SERINC5: variants seen among roughly 807,000 people sequenced by gnomAD.
The protein encoded by SERINC5 is serine incorporator 5.
Under a neutral mutation model 63.1 loss-of-function variants are expected in SERINC5, and 41 were observed. The ratio of observed to expected loss-of-function variants is 0.65; its 90% CI spans 0.51 to 0.84. The LOEUF (loss-of-function observed/expected upper bound fraction) is 0.84, where lower values mean the gene tolerates loss of function less well. SERINC5 is among the 40% of genes least tolerant of loss of function. The probability of loss-of-function intolerance (pLI) is 0.00; values close to 1 mark genes in which losing one functional copy is unlikely to be tolerated. For missense variants in SERINC5, 523 were observed against 573.0 expected, an observed-to-expected ratio of 0.91 and a Z score of 0.89; for synonymous variants, 222 against 215.2, an observed-to-expected ratio of 1.03 and a Z score of -0.28.
intron 1 of SERINC5, among the ~76,000 whole-genome samples, chr5:80,241,772 T>C (rs912861188): frequency 1.3e-5 from 2 of 152,112 alleles, no homozygotes; most frequent in African/African-American, 2.4e-5. Context: ...TTTATAGCCT[T>C]AAACTCAAAC....
At chr5:80,137,493 G>A (rs562544361), downstream of SERINC5, among the ~76,000 whole-genome samples, 7 of 151,992 alleles carry the variant, frequency 4.6e-5, no homozygotes, top group African/African-American at 1.7e-4. Flanking sequence ...ACAAAAATTA[G>A]CCAGGTGTGG....
intron 8 of SERINC5, 76 bp from the exon 9 acceptor site, chr5:80,151,024 G>T: frequency 9.2e-7 from 1 of 1,086,282 alleles, no homozygotes; most frequent in Non-Finnish European, 1.4e-6. Flanking sequence ...AAGCCGGCTG[G>T]CCAGTGCTCC....
chr5:80,122,197 G>GTATATATATATATATATATATATATA lies in SERINC5; in HGVS notation c.1239-8573_1239-8572insTATATATATATATATATATATATATA, dbSNP rs10700420. ...CTTCTCTAGAGGGACAGAACTAATA[G>GTATATATATATATATATATATATATA]TATATATATATATATAATATGAGTT... On this transcript the variant is annotated intron_variant, in intron 11 of 12. Coordinates refer to the SERINC5 transcript ENST00000509193. Among the ~76,000 whole-genome samples, 81 of 116,718 alleles carry GTATATATATATATATATATATATATA rather than the reference G, an allele frequency of 6.9e-4. 3 individuals are homozygous for GTATATATATATATATATATATATATA. Among genetic ancestry groups the GTATATATATATATATATATATATATA allele is most frequent in the African/African-American group, 2.8e-3 (70 of 25,270 alleles). 76.6% of individuals were successfully genotyped at this position (116,718 alleles called of 152,430 possible).
At chr5:80,143,989 GC>G (rs1167171550) in intron 11 of SERINC5, 179 bp from the exon 12 acceptor site, 1 of 734,856 alleles carries the variant, frequency 1.4e-6, no homozygotes, top group African/African-American at 1.8e-5. Flanking sequence ...AAGAAATCAT[GC>G]ACCCCTTAGG....
At chr5:80,252,795 G>C (rs373447969) in intron 1 of SERINC5, among the ~76,000 whole-genome samples, 5 of 152,134 alleles carry the variant, frequency 3.3e-5, no homozygotes, top group Non-Finnish European at 5.9e-5. Flanking sequence ...AACTCATCCA[G>C]TCACACCAGT....
At chr5:80,121,220 A>G (rs1018964724) in intron 11 of SERINC5, among the ~76,000 whole-genome samples, 5 of 152,170 alleles carry the variant, frequency 3.3e-5, no homozygotes, top group African/African-American at 1.2e-4. Flanking sequence ...CTGTTTTTCC[A>G]AGAAAGGAGT....
Position 80,143,781 on chromosome 5 carries a change from A to C in SERINC5, c.1268T>G (p.Phe423Cys). 1 of 1,536,184 alleles carries C rather than the reference A, an allele frequency of 6.5e-7. No homozygotes were observed. The highest frequency in any genetic ancestry group is 8.7e-7 in the Non-Finnish European group (1 of 1,146,890). Residue 423 changes from phenylalanine to cysteine, a missense_variant, in exon 12 of 12, where the codon TTC becomes TGC. Physicochemically the swap from Phe to Cys is radical, Grantham distance 205. Transcript: ENST00000507668. ...CCAGAAGATGGACCAGCTCCCGCTG[A>C]AGAAGCTCTCGATGTTGGCACTTTC... ...NYESANIESF[F>C]SGSWSIFWVK...
At chr5:80,220,260 T>G (rs114163507) in intron 1 of SERINC5, among the ~76,000 whole-genome samples, 1,825 of 151,588 alleles carry the variant, frequency 0.012, 34 homozygotes, top group African/African-American at 0.042. Flanking sequence ...ACAAGTAACT[T>G]GCTCATATTG....
intron 1 of SERINC5, among the ~76,000 whole-genome samples, chr5:80,229,050 T>TGGGGGGG (rs1174325559): frequency 0.18 from 17,284 of 94,124 alleles, 3,428 homozygotes; most frequent in African/African-American, 0.26. Flanking sequence ...TTTTTTTTTT[T>TGGGGGGG]GGGGATGGAG....
intron 2 of SERINC5, among the ~76,000 whole-genome samples, chr5:80,200,578 G>C (rs1206570326): frequency 6.6e-6 from 1 of 152,146 alleles, no homozygotes; most frequent in Non-Finnish European, 1.5e-5. Context: ...ACACCCCACG[G>C]CTAGCACTAC....
chr5:80,236,737 G>C (rs1751707347), intron 1 of SERINC5, among the ~76,000 whole-genome samples: 1 of 152,028 alleles, frequency 6.6e-6, no homozygotes, highest in Non-Finnish European at 1.5e-5. Flanking sequence ...ATGTTGCCCA[G>C]GTTGGTCTCG....
intron 4 of SERINC5, among the ~76,000 whole-genome samples, chr5:80,176,381 C>G (rs749574088): frequency 3.9e-5 from 6 of 152,190 alleles, no homozygotes; most frequent in Non-Finnish European, 8.8e-5. Flanking sequence ...TGATACATAA[C>G]TATATGAAGG....
Position 80,142,276 on chromosome 5 carries a change from T to C in SERINC5, c.*1387A>G, listed in dbSNP as rs149043006. ...CTGTATTACTTTGCAAGTACGTATT[T>C]TGGAAATTCCTGTGCAGCGTGATCT... On this transcript the variant is annotated 3_prime_UTR_variant, in exon 12 of 12. Transcript: ENST00000507668. 1.5e-4 allele frequency: 146 copies of C among 985,426 alleles called. No individual in the cohort carries two copies. Among genetic ancestry groups the C allele is most frequent in the Non-Finnish European group, 1.7e-4 (141 of 829,936 alleles). 61.0% of individuals were successfully genotyped at this position (985,426 alleles called of 1,614,324 possible). A position where few individuals can be genotyped will look rare whatever the true frequency, so the allele number is the denominator to read the frequency against.
intron 11 of SERINC5, among the ~76,000 whole-genome samples, chr5:80,125,666 G>A (rs1744719777): frequency 6.6e-6 from 1 of 152,204 alleles, no homozygotes; most frequent in African/African-American, 2.4e-5. Context: ...CACCATGGCT[G>A]GAATGGATTG....
intron 1 of SERINC5, among the ~76,000 whole-genome samples, chr5:80,245,861 C>G (rs565992820): frequency 1.3e-5 from 2 of 151,486 alleles, no homozygotes; most frequent in South Asian, 4.2e-4. Context: ...GTGATCCACC[C>G]GCCTCAGCCC....
intron 11 of SERINC5, chr5:80,129,217 C>G (rs926560794): frequency 6.6e-6 from 1 of 152,198 alleles, no homozygotes; most frequent in Non-Finnish European, 1.5e-5. Context: ...CATTTGGGTA[C>G]ATTTCCTTTG....
intron 8 of SERINC5, among the ~76,000 whole-genome samples, chr5:80,152,268 T>C (rs1401956840): frequency 6.6e-6 from 1 of 151,834 alleles, no homozygotes; most frequent in Non-Finnish European, 1.5e-5. Flanking sequence ...TGGGAGGCTG[T>C]GGCAGGTAGA....
At chr5:80,163,824 A>C (rs908646090) in intron 7 of SERINC5, among the ~76,000 whole-genome samples, 2 of 151,880 alleles carry the variant, frequency 1.3e-5, no homozygotes, top group African/African-American at 2.4e-5. Flanking sequence ...ATTGGTCTGT[A>C]ATTTTTTTTT....
At position 80,150,801 on chromosome 5, in the gene SERINC5, A is replaced by G. The variant is rs1006958217; in HGVS notation, c.1053+81T>C. On this transcript the variant is annotated intron_variant, in intron 9 of 11. Coordinates refer to ENST00000507668, the MANE Select transcript of SERINC5 (RefSeq NM_001174072.3). ...AAACAGGATCACGGAATGCAGACTG[A>G]TAAAGACACAAACACAAAAGGCCCT... is the stretch of plus-strand genomic sequence containing the variant. The G allele has an allele frequency of 2.4e-5, 23 of 968,284 alleles. No individual in the cohort carries two copies. In the African/African-American group the frequency reaches 2.6e-4, roughly 11 times the overall value. 60.0% of individuals were successfully genotyped at this position (968,284 alleles called of 1,614,324 possible).
Sources: allele counts gnomAD v4.1 joint callset (sites outside exome capture counted in the v4.1 genomes callset), GRCh38; gene constraint gnomAD v4.1.1; transcripts MANE v1.5; gene names NCBI Gene and HGNC (gene_info 2026-07-23, HGNC 2026-07-21).